The following KIAA1217 variants were observed in gnomAD, a reference collection of about 807,000 sequenced individuals.
KIAA1217 encodes KIAA1217.
Under a neutral mutation model 163.9 loss-of-function variants are expected in KIAA1217, and 88 were observed. The observed-to-expected ratio is 0.54, with a 90% CI of 0.45 to 0.64. KIAA1217 has a LOEUF of 0.64. Ranked by LOEUF, KIAA1217 falls within the 30% of genes least tolerant of loss-of-function variation. The pLI, the probability that KIAA1217 is intolerant of heterozygous loss-of-function variation, is 0.00. For synonymous variants in KIAA1217, 903 were observed against 923.1 expected (o/e 0.98, Z 0.39); for missense variants, 2,372 against 2,475.0 (o/e 0.96, Z 0.88).
chr10:24,540,175 A>G (rs1487945955), intron 17 of KIAA1217, among the ~76,000 whole-genome samples: 1 of 152,214 alleles, frequency 6.6e-6, no homozygotes, highest in Non-Finnish European at 1.5e-5. Context: ...ACTTTCCATT[A>G]GAGCATTTAT....
intron 1 of KIAA1217, among the ~76,000 whole-genome samples, chr10:23,896,222 A>G (rs956031750): frequency 3.9e-5 from 6 of 151,992 alleles, no homozygotes; most frequent in Non-Finnish European, 8.8e-5. Flanking sequence ...TCTATTTTTT[A>G]ATTTATCTTT....
At position 24,544,336 on chromosome 10, in the gene KIAA1217, T is replaced by A; in HGVS notation, c.5066T>A (p.Val1689Asp). ...TISEMSPKAL[V>D]DTSCSSNRDS... ...AGTGAAATGAGTCCCAAAGCCCTAG[T>A]TGATACCTCATGTTCTTCCAACAGA... The change falls in exon 19 of 21, where the codon GTT (valine) becomes GAT (aspartate). Residue 1689 changes from valine to aspartate, a missense_variant. Val to Asp is a radical substitution (Grantham distance 152). Coordinates refer to ENST00000376454, the MANE Select transcript of KIAA1217 (RefSeq NM_019590.5). 6.2e-7 allele frequency: 1 copy of A among 1,614,176 alleles called. No homozygotes were observed. Among genetic ancestry groups the A allele is most frequent in the Non-Finnish European group, 8.5e-7 (1 of 1,180,046 alleles).
rs549297191 is a variant in KIAA1217, at chr10:23,959,181, G to A, written c.-320-48044G>A. ...GGGGCTGTAGGTCAACACAGTGTAG[G>A]GGAGGAAAAGATTCCCTTTCTTACC... On this transcript the variant is annotated intron_variant, in intron 1 of 18. Transcript: ENST00000376462. Among the ~76,000 whole-genome samples, 3 of 152,104 alleles carry A rather than the reference G, an allele frequency of 2.0e-5. No homozygotes were observed. In the East Asian group the frequency reaches 5.8e-4, roughly 29 times the overall value.
intron 2 of KIAA1217, among the ~76,000 whole-genome samples, chr10:24,370,522 G>A (rs1292714003): frequency 6.6e-6 from 1 of 152,098 alleles, no homozygotes; most frequent in African/African-American, 2.4e-5. Flanking sequence ...CTTTATAAAA[G>A]GTACACTGAT....
chr10:23,793,225 G>T (rs1836041280), intron 1 of KIAA1217, among the ~76,000 whole-genome samples: 1 of 152,154 alleles, frequency 6.6e-6, no homozygotes, highest in Non-Finnish European at 1.5e-5. Flanking sequence ...TTGTCTCACT[G>T]TGGTCACAAG....
chr10:23,949,078 C>A (rs150332275), intron 1 of KIAA1217, among the ~76,000 whole-genome samples: 3 of 152,142 alleles, frequency 2.0e-5, no homozygotes, highest in Admixed American at 6.6e-5. Flanking sequence ...AGAGAACTGG[C>A]GGAATCAGAG....
At chr10:24,268,508 G>A (rs1283987249) in intron 2 of KIAA1217, among the ~76,000 whole-genome samples, 3 of 150,032 alleles carry the variant, frequency 2.0e-5, no homozygotes, top group Non-Finnish European at 4.4e-5. Flanking sequence ...ACCACTATGA[G>A]GTATCATCTC....
At position 23,909,316 on chromosome 10, in the gene KIAA1217, G is replaced by T. The variant is rs1029657066; in HGVS notation, c.-320-97909G>T. Among the ~76,000 whole-genome samples the T allele has an allele frequency of 2.0e-5, 3 of 151,556 alleles. 1 individual carries two copies. The highest frequency in any genetic ancestry group is 7.3e-5 in the African/African-American group (3 of 41,232). ...AAACACCACTAAATAACTTACTAAT[G>T]TAACCAAACACCACCTGTTCCCCAA... On this transcript the variant is annotated intron_variant, in intron 1 of 18. Transcript: ENST00000376462.
chr10:24,407,702 A>G (rs574411780), intron 3 of KIAA1217, among the ~76,000 whole-genome samples: 1 of 152,110 alleles, frequency 6.6e-6, no homozygotes, highest in Non-Finnish European at 1.5e-5. Context: ...ATATTCTAAA[A>G]TGTTCATGTC....
In KIAA1217 at chr10:24,473,553, G is replaced by T. The variant is rs1210637028; in HGVS notation, c.1172G>T (p.Gly391Val). The change falls in exon 6 of 21, where the codon GGT becomes GTT. Residue 391 changes from glycine to valine, a missense_variant. Gly to Val is a moderately radical substitution (Grantham distance 109). Transcript: ENST00000376454. ...GKNIAMYRNE[G>V]FYADPYLYHE... ...AACATTGCAATGTACAGAAATGAGG[G>T]TTTCTATGCTGATCCTTACCTTTAT... The T allele has an allele frequency of 1.2e-6, 2 of 1,613,662 alleles. No individual in the cohort carries two copies. Among genetic ancestry groups the T allele is most frequent in the African/African-American group, 1.3e-5 (1 of 74,980 alleles).
chr10:23,994,212 A>G (rs1846361465), intron 1 of KIAA1217, among the ~76,000 whole-genome samples: 1 of 152,192 alleles, frequency 6.6e-6, no homozygotes, highest in Non-Finnish European at 1.5e-5. Context: ...TTTCTACACC[A>G]TAAGTTGATG....
At chr10:24,229,283 G>C (rs2071033846) in intron 2 of KIAA1217, among the ~76,000 whole-genome samples, 1 of 152,196 alleles carries the variant, frequency 6.6e-6, no homozygotes, top group African/African-American at 2.4e-5. Flanking sequence ...TAATGTTGTA[G>C]AAAGTGTATG....
chr10:24,499,342 C>A (rs150289213), intron 8 of KIAA1217, among the ~76,000 whole-genome samples: 2,418 of 152,328 alleles, frequency 0.016, 71 homozygotes, highest in African/African-American at 0.055. Flanking sequence ...GATGACAAAT[C>A]TTGCTCTTTC....
chr10:24,379,324 A>G (rs538778051), intron 2 of KIAA1217, among the ~76,000 whole-genome samples: 16 of 152,304 alleles, frequency 1.1e-4, no homozygotes, highest in African/African-American at 3.9e-4. Flanking sequence ...CAGACTTTGT[A>G]AAAAATAAAT....
intron 1 of KIAA1217, among the ~76,000 whole-genome samples, chr10:23,997,993 T>C (rs1392896915): frequency 6.6e-6 from 1 of 151,308 alleles, no homozygotes; most frequent in Non-Finnish European, 1.5e-5. Flanking sequence ...CTTTTTTTTT[T>C]TCCCCCCAAA....
intron 2 of KIAA1217, among the ~76,000 whole-genome samples, chr10:24,172,393 T>C (rs1211170973): frequency 6.6e-6 from 1 of 152,162 alleles, no homozygotes; most frequent in Admixed American, 6.5e-5. Context: ...AGCATCTCAG[T>C]AACAATTTTG....
chr10:24,517,331 TAGAAG>T (rs569672582), intron 10 of KIAA1217, among the ~76,000 whole-genome samples: 61 of 152,236 alleles, frequency 4.0e-4, no homozygotes, highest in African/African-American at 1.3e-3. Context: ...TGGAAATAGC[TAGAAG>T]AGAAGAACTA....
intron 1 of KIAA1217, among the ~76,000 whole-genome samples, chr10:23,798,590 T>G (rs1836319226): frequency 6.6e-6 from 1 of 152,180 alleles, no homozygotes; most frequent in Non-Finnish European, 1.5e-5. Context: ...TGTGAATCAA[T>G]CAGGAAACTT....
intron 1 of KIAA1217, among the ~76,000 whole-genome samples, chr10:23,866,220 G>A (rs1732697253): frequency 6.6e-6 from 1 of 152,006 alleles, no homozygotes; most frequent in Non-Finnish European, 1.5e-5. Flanking sequence ...ATATTGCTGT[G>A]CTTATGATAT....
Sources: gnomAD v4.1 joint callset for allele counts (sites outside exome capture counted in the v4.1 genomes callset) on GRCh38, gnomAD v4.1.1 for gene constraint, MANE v1.5 for transcripts, NCBI Gene and HGNC (gene_info 2026-07-23, HGNC 2026-07-21) for gene names.